Variants in HIVEP1 observed in about 807,000 individuals in gnomAD.
HIVEP1 encodes the protein zinc finger protein 40.
A neutral mutation model predicts 180.0 loss-of-function variants in HIVEP1; 36 were observed. The ratio of observed to expected loss-of-function variants is 0.20; its 90% CI spans 0.15 to 0.26. HIVEP1 has a LOEUF of 0.26. Ranked by LOEUF, HIVEP1 falls within the 10% of genes least tolerant of loss-of-function variation. The probability of loss-of-function intolerance (pLI) is 1.00; values close to 1 mark genes in which losing one functional copy is unlikely to be tolerated. For synonymous variants in HIVEP1, 1,239 were observed against 1,239.0 expected (o/e 1.00, Z 0.00); for missense variants, 3,143 against 3,268.7 (o/e 0.96, Z 0.94).
chr6:12,109,226 C>T (rs1478132813), intron 3 of HIVEP1, among the ~76,000 whole-genome samples: 1 of 152,164 alleles, frequency 6.6e-6, no homozygotes, highest in Non-Finnish European at 1.5e-5. Flanking sequence ...ATCTCCTGAC[C>T]TCGTGTTCCG....
chr6:12,133,112 CA>C (rs1758515541), intron 6 of HIVEP1, among the ~76,000 whole-genome samples: 2 of 152,132 alleles, frequency 1.3e-5, no homozygotes, highest in Admixed American at 1.3e-4. Flanking sequence ...AAAACGCTCT[CA>C]GAAAAATGAT....
Position 12,058,548 on chromosome 6 carries a change from A to G in HIVEP1, c.41-30636A>G, listed in dbSNP as rs939407673. On this transcript the variant is annotated intron_variant, in intron 2 of 8. Coordinates refer to ENST00000379388, the MANE Select transcript of HIVEP1 (RefSeq NM_002114.4). ...TGCGTTAGATATTAGAGATATAAAA[A>G]TGAATAAAATATGGCTGTTGCCCTT... is the stretch of plus-strand genomic sequence containing the variant. Among the ~76,000 whole-genome samples, 9 of 152,240 alleles carry G rather than the reference A, an allele frequency of 5.9e-5. No homozygotes were observed. In the East Asian group the frequency reaches 1.5e-3, roughly 26 times the overall value.
At chr6:12,071,829 G>A (rs983581137) in intron 2 of HIVEP1, among the ~76,000 whole-genome samples, 9 of 152,214 alleles carry the variant, frequency 5.9e-5, no homozygotes, top group African/African-American at 2.2e-4. Context: ...GGGCTTGAGG[G>A]CATTTTTAGA....
chr6:12,139,618 G>A (rs747192701), intron 7 of HIVEP1, among the ~76,000 whole-genome samples: 3 of 152,328 alleles, frequency 2.0e-5, no homozygotes, highest in South Asian at 4.1e-4. Context: ...CTGGAAAAAC[G>A]GGACACTCCT....
chr6:12,160,866 A>G (rs1019926453), intron 7 of HIVEP1, among the ~76,000 whole-genome samples: 7 of 152,206 alleles, frequency 4.6e-5, no homozygotes, highest in African/African-American at 1.7e-4. Context: ...TCTCATCTTA[A>G]TGCCTCTTTG....
chr6:12,145,671 C>G (rs1262822087), intron 7 of HIVEP1, among the ~76,000 whole-genome samples: 1 of 151,968 alleles, frequency 6.6e-6, no homozygotes, highest in African/African-American at 2.4e-5. Flanking sequence ...GGCACCTCAC[C>G]CTCTTACTGC....
intron 2 of HIVEP1, among the ~76,000 whole-genome samples, chr6:12,074,501 T>C (rs1419775171): frequency 6.6e-6 from 1 of 152,134 alleles, no homozygotes; most frequent in Non-Finnish European, 1.5e-5. Context: ...AAAATGTATC[T>C]TTGAATCCTC....
intron 3 of HIVEP1, among the ~76,000 whole-genome samples, chr6:12,106,343 C>T (rs985244412): frequency 6.6e-6 from 1 of 151,956 alleles, no homozygotes; most frequent in African/African-American, 2.4e-5. Flanking sequence ...AATTGACGTA[C>T]TCAAAATATT....
At chr6:12,058,643 A>G (rs1771024153) in intron 2 of HIVEP1, among the ~76,000 whole-genome samples, 1 of 152,156 alleles carries the variant, frequency 6.6e-6, no homozygotes, top group Non-Finnish European at 1.5e-5. Flanking sequence ...CTGGAATGGA[A>G]GCTTTAGGCA....
intron 3 of HIVEP1, among the ~76,000 whole-genome samples, chr6:12,108,434 C>A (rs369207886): frequency 6.6e-6 from 1 of 152,228 alleles, no homozygotes; most frequent in East Asian, 1.9e-4. Context: ...CGCCATGGAG[C>A]AGGGGGCGGC....
rs748982523 is a variant in HIVEP1 at position 12,121,492 on chromosome 6, A to G, written c.1697A>G (p.His566Arg). 2 of 1,614,084 alleles carry G rather than the reference A, an allele frequency of 1.2e-6. No homozygotes were observed. The highest frequency in any genetic ancestry group is 2.2e-5 in the East Asian group (1 of 44,900). Reference protein sequence around the residue: ...AVTELPKVVVHHVTVSPLRTD... With the variant: ...AVTELPKVVVRHVTVSPLRTD... ...ACAGAGTTACCGAAAGTTGTGGTCCACCATGTCACTGTGTCCCCCTTAAGA... is the reference window on the plus strand; with the variant it reads ...ACAGAGTTACCGAAAGTTGTGGTCCGCCATGTCACTGTGTCCCCCTTAAGA... The change falls in exon 4 of 9, where the codon CAC (histidine) becomes CGC (arginine). Residue 566 changes from histidine (H) to arginine (R), a missense_variant. His to Arg is a conservative substitution (Grantham distance 29, BLOSUM62 0). Around this residue, in one of 12 missense-constraint regions of HIVEP1, gnomAD observed 365 missense variants for 344.4 expected, o/e 1.06. Transcript: ENST00000379388. This position sits in a 1 kb window ranked among gnomAD's most constrained non-coding sequence, Gnocchi z 5.3.
chr6:12,106,537 C>A (rs78390424), intron 3 of HIVEP1, among the ~76,000 whole-genome samples: 2,545 of 152,124 alleles, frequency 0.017, 68 homozygotes, highest in African/African-American at 0.059. Context: ...TCTAACTAAT[C>A]ATTTATGGCA....
chr6:12,149,555 A>T (rs1759573273), intron 7 of HIVEP1, among the ~76,000 whole-genome samples: 1 of 152,154 alleles, frequency 6.6e-6, no homozygotes, highest in Non-Finnish European at 1.5e-5. Context: ...CATCATTACC[A>T]CTTGGTAATA....
intron 7 of HIVEP1, among the ~76,000 whole-genome samples, chr6:12,152,122 C>T (rs888501869): frequency 6.6e-6 from 1 of 152,128 alleles, no homozygotes; most frequent in African/African-American, 2.4e-5. Context: ...TGCCACTGCA[C>T]TCCAGCCTGG....
chr6:12,093,573 G>A (rs1773617822), intron 3 of HIVEP1, among the ~76,000 whole-genome samples: 1 of 151,744 alleles, frequency 6.6e-6, no homozygotes, highest in Non-Finnish European at 1.5e-5. Flanking sequence ...TTAATGTAGT[G>A]TAAGTTAGGA....
intron 7 of HIVEP1, among the ~76,000 whole-genome samples, chr6:12,144,581 C>G (rs1759249924): frequency 6.6e-6 from 1 of 152,168 alleles, no homozygotes; most frequent in Non-Finnish European, 1.5e-5. Context: ...TCAGAGTGAA[C>G]AGGCAACCTA....
At chr6:12,055,053 G>A (rs1387117015) in intron 2 of HIVEP1, among the ~76,000 whole-genome samples, 2 of 152,160 alleles carry the variant, frequency 1.3e-5, no homozygotes, top group African/African-American at 4.8e-5. Context: ...ACTGCCTAGT[G>A]GGAAAGTATA....
At chr6:12,205,684 T>G in the HIVEP1 span, among the ~76,000 whole-genome samples, 5 of 152,150 alleles carry the variant, frequency 3.3e-5, no homozygotes, top group Non-Finnish European at 2.9e-5. Context: ...TTATATAAAT[T>G]AATATTTGTA....
chr6:12,167,584 T>A (rs889451967), downstream of HIVEP1, among the ~76,000 whole-genome samples: 9 of 133,478 alleles, frequency 6.7e-5, no homozygotes, highest in African/African-American at 3.2e-5. Flanking sequence ...ATATATACGT[T>A]ATATTACATG....
Sources: gnomAD v4.1 joint callset for allele counts (sites outside exome capture counted in the v4.1 genomes callset) on GRCh38, gnomAD v4.1.1 for gene constraint, gnomAD v4.1.1 regional missense constraint, Gnocchi (gnomAD v3.1) non-coding constraint, MANE v1.5 for transcripts, NCBI Gene and HGNC (gene_info 2026-07-23, HGNC 2026-07-21) for gene names.